Variants in KDM4C observed in about 807,000 individuals in gnomAD.
KDM4C encodes lysine demethylase 4C.
In KDM4C, 81 loss-of-function variants were observed where a neutral mutation model predicts 129.3. The observed-to-expected ratio is 0.63, with a 90% CI of 0.52 to 0.75. KDM4C has a LOEUF of 0.75. Among genes scored for constraint, KDM4C ranks in the 30% least tolerant of loss-of-function variants. KDM4C has a pLI of 0.00. For synonymous variants in KDM4C, 573 were observed against 456.1 expected (o/e 1.26, Z -3.26); for missense variants, 1,457 against 1,304.0 (o/e 1.12, Z -1.81).
chr9:7,147,971 A>G (rs1182535454), intron 19 of KDM4C, among the ~76,000 whole-genome samples: 1 of 152,126 alleles, frequency 6.6e-6, no homozygotes, highest in African/African-American at 2.4e-5. Flanking sequence ...ACTGGCCCGG[A>G]TCCCGTGCCT....
chr9:6,990,477 C>T lies in KDM4C; in HGVS notation c.1739C>T (p.Ala580Val), dbSNP rs774642718. The T allele has an allele frequency of 2.0e-5, 32 of 1,612,664 alleles. No individual in the cohort carries two copies. The highest frequency in any genetic ancestry group is 2.6e-5 in the Non-Finnish European group (31 of 1,179,812). The change falls in exon 12 of 22, where the codon GCA becomes GTA. Residue 580 changes from alanine to valine, a missense_variant. Coordinates refer to ENST00000381309, the MANE Select transcript of KDM4C (RefSeq NM_015061.6). ...SWRHPLSRPP[A>V]RSPMTLVKQQ... ...CGCCATCCACTTAGCAGGCCTCCAG[C>T]AAGATCTCCGATGACTCTTGTGAAG... is the stretch of plus-strand genomic sequence containing the variant.
At chr9:6,880,120 T>A in intron 6 of KDM4C, 59 bp downstream of exon 6, 1 of 1,132,950 alleles carries the variant, frequency 8.8e-7, no homozygotes, top group Non-Finnish European at 1.3e-6. Context: ...GTTTTGTAGG[T>A]TCTTTGTTTT....
At chr9:6,795,038 T>C (rs969329140) in intron 2 of KDM4C, among the ~76,000 whole-genome samples, 13 of 152,346 alleles carry the variant, frequency 8.5e-5, no homozygotes, top group African/African-American at 3.1e-4. Context: ...ATAATCTGGG[T>C]TTCTGTAGAC....
intron 4 of KDM4C, chr9:6,835,119 C>T (rs561781068): frequency 3.0e-5 from 30 of 1,005,010 alleles, no homozygotes; most frequent in Admixed American, 2.6e-4. Context: ...CTCTGGCCTT[C>T]GAGCAGGAGA....
At chr9:7,112,324 C>T (rs1237504142) in intron 18 of KDM4C, among the ~76,000 whole-genome samples, 1 of 151,928 alleles carries the variant, frequency 6.6e-6, no homozygotes, top group East Asian at 1.9e-4. Context: ...TTAGGAAGCT[C>T]AATCTTGAGG....
intron 17 of KDM4C, among the ~76,000 whole-genome samples, chr9:7,095,408 C>T (rs1403902391): frequency 6.6e-6 from 1 of 152,104 alleles, no homozygotes; most frequent in Non-Finnish European, 1.5e-5. Flanking sequence ...TTCTCAGATA[C>T]CTTTAGGCCT....
At chr9:6,954,036 C>G (rs1828636604) in intron 8 of KDM4C, among the ~76,000 whole-genome samples, 1 of 152,176 alleles carries the variant, frequency 6.6e-6, no homozygotes, top group African/African-American at 2.4e-5. Context: ...CATAGGACTT[C>G]TTTGCTTTCT....
chr9:6,868,431 A>G (rs1842373635), intron 5 of KDM4C, among the ~76,000 whole-genome samples: 1 of 152,120 alleles, frequency 6.6e-6, no homozygotes, highest in Admixed American at 6.5e-5. Flanking sequence ...TGGATCACCG[A>G]TTTGAGCCAC....
At chr9:7,001,732 C>T (rs10113924) in intron 12 of KDM4C, among the ~76,000 whole-genome samples, 104,875 of 150,408 alleles carry the variant, frequency 0.7, 36,647 homozygotes, top group South Asian at 0.79. Flanking sequence ...AAGCTGACAT[C>T]TTTTTTTTTT....
Position 6,855,077 on chromosome 9 carries a change from C to T in KDM4C, c.629+5377C>T, listed in dbSNP as rs537834527. ...GCTCAATAGATGTTAACGTTTCATA[C>T]ATTCATTTAGCAAATATATGTTGTA... is the stretch of plus-strand genomic sequence containing the variant. On this transcript the variant is annotated intron_variant, in intron 5 of 21. Coordinates refer to ENST00000381309, the MANE Select transcript of KDM4C (RefSeq NM_015061.6). Among the ~76,000 whole-genome samples, 5 of 152,270 alleles carry T rather than the reference C, an allele frequency of 3.3e-5. No individual in the cohort carries two copies. In the East Asian group the frequency reaches 9.6e-4, roughly 29 times the overall value.
At chr9:6,755,647 G>A (rs535870943), upstream of KDM4C, among the ~76,000 whole-genome samples, 1 of 152,154 alleles carries the variant, frequency 6.6e-6, no homozygotes, top group Non-Finnish European at 1.5e-5. Flanking sequence ...AAACTTCAAG[G>A]GGAATCTATG....
chr9:6,862,147 A>G (rs112707715), intron 5 of KDM4C, among the ~76,000 whole-genome samples: 2,386 of 152,234 alleles, frequency 0.016, 71 homozygotes, highest in African/African-American at 0.054. Context: ...AGAGACAGAA[A>G]ACTTATTTAA....
chr9:7,036,016 G>T (rs1011186136), intron 15 of KDM4C, among the ~76,000 whole-genome samples: 1 of 152,088 alleles, frequency 6.6e-6, no homozygotes, highest in Middle Eastern at 3.2e-3. Flanking sequence ...TTCTGTTTCT[G>T]TGAAGAGTGT....
In KDM4C at chr9:6,842,404, G is replaced by A. The variant is rs1318943093; in HGVS notation, c.436-7103G>A. 3.4e-5 allele frequency among the ~76,000 whole-genome samples: 5 copies of A among 145,256 alleles called. No homozygotes were observed. The South Asian group carries it at 1.1e-3, about 31-fold the overall frequency. ...TGCGATCATGGCTCACTGCAACCTC[G>A]GCTCACTGCAACCTCCGCCTCCTGG... On this transcript the variant is annotated intron_variant, in intron 4 of 21. Coordinates refer to ENST00000381309, the MANE Select transcript of KDM4C (RefSeq NM_015061.6).
At chr9:6,932,932 T>C (rs984038970) in intron 8 of KDM4C, among the ~76,000 whole-genome samples, 14 of 152,336 alleles carry the variant, frequency 9.2e-5, no homozygotes, top group African/African-American at 3.4e-4. Context: ...TTTGTAACCA[T>C]CTTTCATGCA....
chr9:7,002,904 A>C (rs1226129731), intron 12 of KDM4C, among the ~76,000 whole-genome samples: 2 of 152,240 alleles, frequency 1.3e-5, no homozygotes, highest in Non-Finnish European at 2.9e-5. Flanking sequence ...TATGTCTGCC[A>C]GGCTGGAGTG....
At chr9:6,746,262 GTTTTTT>G (rs778939269) in intron 1 of KDM4C, among the ~76,000 whole-genome samples, 7 of 61,198 alleles carry the variant, frequency 1.1e-4, no homozygotes, top group African/African-American at 5.2e-4. Context: ...ATATATATAT[GTTTTTT>G]TTTTTTTTTT....
At chr9:6,825,085 G>A (rs541508545) in intron 4 of KDM4C, among the ~76,000 whole-genome samples, 35 of 148,994 alleles carry the variant, frequency 2.3e-4, no homozygotes, top group African/African-American at 8.7e-4. Flanking sequence ...GGCAGAGGTT[G>A]CAGTGAGCTG....
chr9:6,908,326 C>A (rs962748627), intron 8 of KDM4C, among the ~76,000 whole-genome samples: 1 of 152,166 alleles, frequency 6.6e-6, no homozygotes, highest in East Asian at 1.9e-4. Flanking sequence ...TGTGTTTAAT[C>A]TCTACATGTT....
Sources: gnomAD v4.1 joint callset for allele counts (sites outside exome capture counted in the v4.1 genomes callset) on GRCh38, gnomAD v4.1.1 for gene constraint, MANE v1.5 for transcripts, NCBI Gene and HGNC (gene_info 2026-07-23, HGNC 2026-07-21) for gene names.